The following FNIP2 variants were observed in gnomAD, a reference collection of about 807,000 sequenced individuals.
FNIP2 encodes folliculin-interacting protein 2.
A neutral mutation model predicts 108.7 loss-of-function variants in FNIP2; 32 were observed. That is an observed-to-expected ratio of 0.29 (90% CI 0.22 to 0.40). FNIP2 has a LOEUF of 0.40. Among genes scored for constraint, FNIP2 ranks in the 10% least tolerant of loss-of-function variants. FNIP2 has a pLI of 1.00. For synonymous variants in FNIP2, 480 were observed against 496.7 expected, an observed-to-expected ratio of 0.97 and a Z score of 0.45; for missense variants, 1,202 against 1,381.6, an observed-to-expected ratio of 0.87 and a Z score of 2.06.
At chr4:158,833,954 A>G in intron 6 of FNIP2, 1 of 1,106,538 alleles carries the variant, frequency 9.0e-7, no homozygotes, top group Non-Finnish European at 1.2e-6. Flanking sequence ...GCAGGTTCTT[A>G]GGAAAAATCC....
intron 1 of FNIP2, among the ~76,000 whole-genome samples, chr4:158,776,505 T>A (rs1185182670): frequency 6.6e-6 from 1 of 152,214 alleles, no homozygotes; most frequent in Non-Finnish European, 1.5e-5. Flanking sequence ...CCTTTGGGGT[T>A]ATGGGGGGAA....
intron 1 of FNIP2, among the ~76,000 whole-genome samples, chr4:158,809,235 G>C (rs966136855): frequency 3.9e-4 from 59 of 152,310 alleles, no homozygotes; most frequent in African/African-American, 1.3e-3. Flanking sequence ...GAGGTGGGCA[G>C]ATCACTTGAG....
At chr4:158,810,675 A>C (rs2126506146) in intron 1 of FNIP2, among the ~76,000 whole-genome samples, 1 of 152,304 alleles carries the variant, frequency 6.6e-6, no homozygotes, top group Admixed American at 6.5e-5. Flanking sequence ...AACTGACATC[A>C]GCTTTTGTCT....
chr4:158,824,527 C>G (rs1778049829), intron 1 of FNIP2, among the ~76,000 whole-genome samples: 1 of 152,112 alleles, frequency 6.6e-6, no homozygotes, highest in South Asian at 2.1e-4. Flanking sequence ...AGTGTCTGTC[C>G]CCTTTCCCCC....
intron 14 of FNIP2, among the ~76,000 whole-genome samples, chr4:158,880,809 T>G (rs1292953725): frequency 6.6e-6 from 1 of 152,194 alleles, no homozygotes; most frequent in Non-Finnish European, 1.5e-5. Context: ...AAGGACGACC[T>G]TGTATGGTCT....
chr4:158,878,173 C>CAT (rs1781389215), intron 14 of FNIP2, among the ~76,000 whole-genome samples: 1 of 152,140 alleles, frequency 6.6e-6, no homozygotes, highest in Non-Finnish European at 1.5e-5. Flanking sequence ...AAGCAGTAAG[C>CAT]ATGAGCTGGT....
chr4:158,781,034 CAAAAAAAA>C lies in FNIP2; in HGVS notation c.107+11724_107+11731del, dbSNP rs70962632. Among the ~76,000 whole-genome samples the C allele has an allele frequency of 3.1e-5, 4 of 130,518 alleles. No individual in the cohort carries two copies. In the East Asian group the frequency reaches 6.9e-4, roughly 23 times the overall value. 85.6% of individuals were successfully genotyped at this position (130,518 alleles called of 152,430 possible). A position where few individuals can be genotyped will look rare whatever the true frequency, so the allele number is the denominator to read the frequency against. ...TCAGCAACAGAGGGAGAGTCCTTCT[CAAAAAAAA>C]AAAAAAAAGAAAAAAGAAAGTATGA... is the stretch of plus-strand genomic sequence containing the variant. On this transcript the variant is annotated intron_variant, in intron 1 of 16. Transcript: ENST00000264433.
Position 158,870,430 on chromosome 4 carries a change from G to A in FNIP2, c.2910G>A (p.Leu970=). ...ATGGGACCGGCAGTGATGAGAAGCT[G>A]AAGCAGTGCCTGGTGGCCGACCTTG... is the stretch of plus-strand genomic sequence containing the variant. The part of the protein sequence containing the change: ...VLHGTGSDEK[L]KQCLVADLVH... Residue 970 remains leucine, a synonymous_variant, in exon 14 of 17, where the codon CTG becomes CTA. Transcript: ENST00000264433. 1 of 1,613,974 alleles carries A rather than the reference G, an allele frequency of 6.2e-7. No individual in the cohort carries two copies.
At chr4:158,892,030 C>T (rs1782307065) in intron 15 of FNIP2, among the ~76,000 whole-genome samples, 1 of 151,784 alleles carries the variant, frequency 6.6e-6, no homozygotes, top group Non-Finnish European at 1.5e-5. Flanking sequence ...TTTTATTAAG[C>T]AAACATTTTC....
rs34271944 is a variant in FNIP2 at position 158,811,659 on chromosome 4, T to TACAC, written c.108-14245_108-14242dup. Among the ~76,000 whole-genome samples the TACAC allele has an allele frequency of 2.8e-3, 428 of 151,452 alleles. 2 individuals are homozygous for TACAC. The highest frequency in any genetic ancestry group is 4.0e-3 in the African/African-American group (167 of 41,330). On this transcript the variant is annotated intron_variant, in intron 1 of 16. Coordinates refer to ENST00000264433, the MANE Select transcript of FNIP2 (RefSeq NM_020840.3). ...GTAGAGCTTGTGAAGCTTTGTTGAT[T>TACAC]ACACACACACACACAAACACACACA...
Position 158,869,388 on chromosome 4 carries a change from A to G in FNIP2, c.2752A>G (p.Arg918Gly). Residue 918 changes from arginine to glycine, a missense_variant, in exon 13 of 17, where the codon AGG (arginine) becomes GGG (glycine). This residue lies in a region of FNIP2 where 878 missense variants were observed against 990.3 expected (regional missense o/e 0.89). Coordinates refer to ENST00000264433, the MANE Select transcript of FNIP2 (RefSeq NM_020840.3). ...GCTAGATCTGGGTCACGGTGGTGAC[A>G]GGACTGGAGGGTCCTTGGAAGTGGA... ...AMLDLGHGGD[R>G]TGGSLEVELP... 1.2e-6 allele frequency: 2 copies of G among 1,609,580 alleles called. No homozygotes were observed. The highest frequency in any genetic ancestry group is 1.7e-6 in the Non-Finnish European group (2 of 1,178,410).
In FNIP2 at chr4:158,907,648, T is replaced by G. The variant is rs1482944512; in HGVS notation, c.*3104T>G. ...TGTACTTTAGAGAATATTTTGTTCA[T>G]GCATACTTCCACGTTAAATTGAAAA... On this transcript the variant is annotated 3_prime_UTR_variant, in exon 17 of 17. Transcript: ENST00000264433. 1 of 152,244 alleles carries G rather than the reference T, an allele frequency of 6.6e-6. No homozygotes were observed. The highest frequency in any genetic ancestry group is 2.4e-5 in the African/African-American group (1 of 41,476). The allele number at this position is 152,244 out of a possible 1,614,324, so 9.4% of individuals were successfully genotyped here.
chr4:158,823,968 G>C (rs1778021895), intron 1 of FNIP2, among the ~76,000 whole-genome samples: 1 of 152,176 alleles, frequency 6.6e-6, no homozygotes. Flanking sequence ...TGATAACTTA[G>C]GGCACAGCTT....
chr4:158,798,319 C>G (rs1316092110), intron 1 of FNIP2, among the ~76,000 whole-genome samples: 2 of 152,176 alleles, frequency 1.3e-5, no homozygotes, highest in African/African-American at 4.8e-5. Context: ...CCACCTCGGC[C>G]TCCCAAAGTG....
intron 7 of FNIP2, among the ~76,000 whole-genome samples, chr4:158,850,904 G>A (rs920527858): frequency 1.3e-5 from 2 of 151,884 alleles, no homozygotes; most frequent in African/African-American, 2.4e-5. Flanking sequence ...CTGCTAATTT[G>A]TGCACTTGCT....
chr4:158,769,335 G>T lies in FNIP2; in HGVS notation c.107+16G>T. The T allele has an allele frequency of 6.8e-7, 1 of 1,465,460 alleles. No individual in the cohort carries two copies. The highest frequency in any genetic ancestry group is 1.3e-5 in the South Asian group (1 of 77,200). The allele number at this position is 1,465,460 out of a possible 1,614,324, so 90.8% of individuals were successfully genotyped here. Reference sequence around the variant, plus strand: ...CCGCCTTTAGGTGAGGGGGCGCCGGGGGGCAATTCTGGCGCGGGACCCGAG... The same window carrying T: ...CCGCCTTTAGGTGAGGGGGCGCCGGTGGGCAATTCTGGCGCGGGACCCGAG... On this transcript the variant is annotated intron_variant, in intron 1 of 16. Coordinates refer to ENST00000264433, the MANE Select transcript of FNIP2 (RefSeq NM_020840.3).
chr4:158,865,906 T>C (rs1478584509), intron 12 of FNIP2, among the ~76,000 whole-genome samples: 2 of 152,060 alleles, frequency 1.3e-5, no homozygotes, highest in African/African-American at 4.8e-5. Flanking sequence ...GAGGATTGTT[T>C]ATTATTATTT....
In FNIP2 at chr4:158,791,961, G is replaced by A. The variant is rs1234494870; in HGVS notation, c.107+22642G>A. On this transcript the variant is annotated intron_variant, in intron 1 of 16. Transcript: ENST00000264433. ...GAGTGGTGATCTGGAGAAATTAGCCGGGCATAGTGGTGCACACCTGTGGTC... is the reference window on the plus strand; with the variant it reads ...GAGTGGTGATCTGGAGAAATTAGCCAGGCATAGTGGTGCACACCTGTGGTC... Among the ~76,000 whole-genome samples the A allele has an allele frequency of 2.0e-5, 3 of 152,094 alleles. 1 individual carries two copies. Among genetic ancestry groups the A allele is most frequent in the Admixed American group, 2.0e-4 (3 of 15,262 alleles).
chr4:158,881,873 C>G (rs1404205850), intron 14 of FNIP2, among the ~76,000 whole-genome samples: 1 of 152,196 alleles, frequency 6.6e-6, no homozygotes, highest in Non-Finnish European at 1.5e-5. Flanking sequence ...TGGCCGCCAC[C>G]CCGTCTGGGA....
Sources: allele counts gnomAD v4.1 joint callset (sites outside exome capture counted in the v4.1 genomes callset), GRCh38; gene constraint gnomAD v4.1.1; regional missense constraint gnomAD v4.1.1; transcripts MANE v1.5; gene names NCBI Gene and HGNC (gene_info 2026-07-23, HGNC 2026-07-21).